DNAAF10: variants seen among roughly 807,000 people sequenced by gnomAD.
DNAAF10 encodes the protein dynein axonemal assembly factor 10.
Under a neutral mutation model 43.7 loss-of-function variants are expected in DNAAF10, and 28 were observed. That is an observed-to-expected ratio of 0.64 (90% CI 0.48 to 0.88). The LOEUF (loss-of-function observed/expected upper bound fraction) is 0.88. Ranked by LOEUF, DNAAF10 falls within the 40% of genes least tolerant of loss-of-function variation. The pLI is 0.00. For missense variants in DNAAF10, 403 were observed against 439.1 expected (o/e 0.92, Z 0.73); for synonymous variants, 156 against 157.3 (o/e 0.99, Z 0.06).
chr2:68,151,036 G>A (rs560713994), intron 1 of DNAAF10, among the ~76,000 whole-genome samples: 3 of 152,300 alleles, frequency 2.0e-5, no homozygotes, highest in African/African-American at 7.2e-5. Flanking sequence ...TACACAATAA[G>A]CTCTATACAT....
chr2:68,153,430 T>C (rs947446301), intron 1 of DNAAF10, among the ~76,000 whole-genome samples: 3 of 151,608 alleles, frequency 2.0e-5, no homozygotes, highest in Non-Finnish European at 4.4e-5. Context: ...ACATCAAGTC[T>C]GTTTCCTAAT....
At chr2:68,136,246 CAAACA>C (rs1201759487) in intron 6 of DNAAF10, among the ~76,000 whole-genome samples, 1 of 134,362 alleles carries the variant, frequency 7.4e-6, no homozygotes, top group African/African-American at 2.7e-5. Context: ...AAAAGCCAAA[CAAACA>C]AAACAAAAAA....
chr2:68,154,669 T>G (rs1673547140), intron 1 of DNAAF10, among the ~76,000 whole-genome samples: 1 of 152,258 alleles, frequency 6.6e-6, no homozygotes, highest in Admixed American at 6.5e-5. Context: ...AAATTATCTT[T>G]TTAAAATTTG....
chr2:68,153,755 T>G lies in DNAAF10; in HGVS notation c.183+3506A>C, dbSNP rs1432566170. ...GCCAAACACAATGAAGTTTTTTTTT[T>G]TTTTTTTTTTTTTTGGAGACAGAGT... On this transcript the variant is annotated intron_variant, in intron 1 of 7. Transcript: ENST00000295121. 6.8e-5 allele frequency among the ~76,000 whole-genome samples: 10 copies of G among 146,056 alleles called. 1 individual carries two copies. Among genetic ancestry groups the G allele is most frequent in the African/African-American group, 2.5e-4 (10 of 39,358 alleles).
rs758858752 is a variant in DNAAF10 at position 68,131,230 on chromosome 2, T to A, written c.*8A>T. ...ACCGTGCCCAGCCTCAAGTCCAAAG[T>A]CTTGAAGTCAAATTTTATTGAGCTT... is the stretch of plus-strand genomic sequence containing the variant. On this transcript the variant is annotated 3_prime_UTR_variant, in exon 8 of 8. Coordinates refer to ENST00000295121, the MANE Select transcript of DNAAF10 (RefSeq NM_138458.4). 2 of 1,613,702 alleles carry A rather than the reference T, an allele frequency of 1.2e-6. No individual in the cohort carries two copies. The highest frequency in any genetic ancestry group is 1.7e-6 in the Non-Finnish European group (2 of 1,179,770).
rs1402743749 is a variant in DNAAF10 at position 68,141,883 on chromosome 2, A to G, written c.416-88T>C. 3 of 1,052,646 alleles carry G rather than the reference A, an allele frequency of 2.8e-6. No homozygotes were observed. In the East Asian group the frequency reaches 7.1e-5, roughly 25 times the overall value. The allele number at this position is 1,052,646 out of a possible 1,614,324, so 65.2% of individuals were successfully genotyped here. On this transcript the variant is annotated intron_variant, in intron 3 of 7. Transcript: ENST00000295121. ...ATTCTTCTTCTATGGCTTCCTGTGT[A>G]CATGGCAATATGACAGATGTTATGA...
chr2:68,149,898 T>A (rs1476897703), intron 1 of DNAAF10, among the ~76,000 whole-genome samples: 2 of 152,230 alleles, frequency 1.3e-5, no homozygotes, highest in Non-Finnish European at 2.9e-5. Context: ...GTGGTCCTCA[T>A]GCACAGCAAT....
At chr2:68,139,568 C>T (rs1294698614) in intron 4 of DNAAF10, among the ~76,000 whole-genome samples, 1 of 150,216 alleles carries the variant, frequency 6.7e-6, no homozygotes, top group Non-Finnish European at 1.5e-5. Context: ...AAATAAAATG[C>T]TTTATAGGAG....
At chr2:68,133,620 G>A (rs916711143) in intron 7 of DNAAF10, among the ~76,000 whole-genome samples, 4 of 152,052 alleles carry the variant, frequency 2.6e-5, no homozygotes, top group Admixed American at 2.0e-4. Context: ...AGGCGTCGTG[G>A]CGGGCACCTG....
Position 68,134,704 on chromosome 2 carries a change from C to T in DNAAF10, c.864G>A (p.Lys288=). 2 of 1,610,146 alleles carry T rather than the reference C, an allele frequency of 1.2e-6. No individual in the cohort carries two copies. Among genetic ancestry groups the T allele is most frequent in the South Asian group, 1.1e-5 (1 of 90,110 alleles). The part of the protein sequence containing the change: ...AGGAGGLHLW[K]YEYPIQRSKK... Reference sequence around the variant, plus strand: ...GCAGTGTGCACTGGCAGACTTACTACTTCCAGAGGTGAAGGCCGCCGGCGC... The same window carrying T: ...GCAGTGTGCACTGGCAGACTTACTATTTCCAGAGGTGAAGGCCGCCGGCGC... Residue 288 remains lysine (K), a splice_region_variant and synonymous_variant, in exon 7 of 8, where the codon AAG becomes AAA. Transcript: ENST00000295121.
intron 7 of DNAAF10, among the ~76,000 whole-genome samples, chr2:68,132,187 A>T (rs1027296673): frequency 1.3e-5 from 2 of 152,260 alleles, no homozygotes; most frequent in Non-Finnish European, 2.9e-5. Flanking sequence ...CTAATAAAAT[A>T]CAAAAGTATC....
intron 1 of DNAAF10, among the ~76,000 whole-genome samples, chr2:68,152,839 G>T (rs887519134): frequency 1.3e-5 from 2 of 152,114 alleles, no homozygotes; most frequent in African/African-American, 4.8e-5. Context: ...ATGTGGGTGG[G>T]TCTAGTACAG....
At position 68,141,712 on chromosome 2, in the gene DNAAF10, A is replaced by T; in HGVS notation, c.499T>A (p.Cys167Ser). 1 of 1,614,076 alleles carries T rather than the reference A, an allele frequency of 6.2e-7. No homozygotes were observed. Among genetic ancestry groups the T allele is most frequent in the Non-Finnish European group, 8.5e-7 (1 of 1,179,974 alleles). The change falls in exon 4 of 8, where the codon TGT becomes AGT. Residue 167 changes from cysteine (C) to serine (S), a missense_variant. Physicochemically the swap from Cys to Ser is moderately radical, Grantham distance 112 (BLOSUM62 -1). Transcript: ENST00000295121. ...AATTTACCAAATGCCACAGTCCAAC[A>T]GTCTCTCTTGTTTTCTCCTTGTACA... ...EPVQGENKRDCWTVAFGNAYN... is the reference protein window; with the variant it reads ...EPVQGENKRDSWTVAFGNAYN...
At chr2:68,132,190 A>T (rs1672943054) in intron 7 of DNAAF10, among the ~76,000 whole-genome samples, 1 of 152,252 alleles carries the variant, frequency 6.6e-6, no homozygotes, top group Admixed American at 6.5e-5. Flanking sequence ...ATAAAATACA[A>T]AAGTATCACT....
At chr2:68,149,596 TG>T (rs1487464858) in intron 1 of DNAAF10, among the ~76,000 whole-genome samples, 1 of 152,154 alleles carries the variant, frequency 6.6e-6, no homozygotes, top group Non-Finnish European at 1.5e-5. Flanking sequence ...ACAAAGCACA[TG>T]GTTTCTAACT....
intron 3 of DNAAF10, among the ~76,000 whole-genome samples, chr2:68,142,989 T>A (rs1427884095): frequency 1.3e-5 from 2 of 151,886 alleles, no homozygotes; most frequent in African/African-American, 2.4e-5. Flanking sequence ...TGGGTCCAAG[T>A]GATCCTCCTA....
At chr2:68,149,737 T>C (rs530602764) in intron 1 of DNAAF10, among the ~76,000 whole-genome samples, 2 of 152,292 alleles carry the variant, frequency 1.3e-5, no homozygotes, top group Admixed American at 1.3e-4. Flanking sequence ...AATTCTGAGT[T>C]CCAACCTATG....
intron 1 of DNAAF10, among the ~76,000 whole-genome samples, chr2:68,150,632 C>T (rs1266293974): frequency 6.6e-6 from 1 of 152,110 alleles, no homozygotes; most frequent in East Asian, 1.9e-4. Flanking sequence ...ACTGGGGAGG[C>T]TGAGGCAGGA....
chr2:68,131,382 A>G lies in DNAAF10; in HGVS notation c.930T>C (p.Ser310=), dbSNP rs1672928527. 2 of 1,614,106 alleles carry G rather than the reference A, an allele frequency of 1.2e-6. No homozygotes were observed. Among genetic ancestry groups the G allele is most frequent in the African/African-American group, 2.7e-5 (2 of 74,940 alleles). ...SEGIEMGVAG[S]VSLLQNVTLS... ...ACGTAACATTCTGCAGAAGGCTTAC[A>G]GAACCTGCGACTCCCATTTCTATTC... The change falls in exon 8 of 8, where the codon TCT becomes TCC. Residue 310 remains serine (S), a synonymous_variant. Transcript: ENST00000295121.
Sources: gnomAD v4.1 joint callset for allele counts (sites outside exome capture counted in the v4.1 genomes callset) on GRCh38, gnomAD v4.1.1 for gene constraint, MANE v1.5 for transcripts, NCBI Gene and HGNC (gene_info 2026-07-23, HGNC 2026-07-21) for gene names.